FARP1: variants seen among roughly 807,000 people sequenced by gnomAD.
FARP1 encodes FERM, ARHGEF and pleckstrin domain-containing protein 1.
Under a neutral mutation model 128.8 loss-of-function variants are expected in FARP1, and 52 were observed. That is an observed-to-expected ratio of 0.40 (90% confidence interval 0.32 to 0.51). The LOEUF (loss-of-function observed/expected upper bound fraction) is 0.51. FARP1 is among the 20% of genes least tolerant of loss of function. The probability of loss-of-function intolerance (pLI) is 0.45; values close to 1 mark genes in which losing one functional copy is unlikely to be tolerated. For missense variants in FARP1, 1,333 were observed against 1,367.9 expected, an observed-to-expected ratio of 0.97 and a Z score of 0.40; for synonymous variants, 580 against 551.8, an observed-to-expected ratio of 1.05 and a Z score of -0.72.
chr13:98,441,995 G>A (rs145262065), intron 24 of FARP1, among the ~76,000 whole-genome samples: 289 of 152,290 alleles, frequency 1.9e-3, no homozygotes, highest in Admixed American at 3.5e-3. Flanking sequence ...CTTCAAGCCC[G>A]TGAAGGTGTG....
At chr13:98,193,243 A>T (rs1024841299) in intron 1 of FARP1, among the ~76,000 whole-genome samples, 1 of 152,126 alleles carries the variant, frequency 6.6e-6, no homozygotes, top group Non-Finnish European at 1.5e-5. Flanking sequence ...TTTTTAGTAG[A>T]GACAGGGTTT....
chr13:98,238,728 C>T (rs980255828), intron 2 of FARP1, among the ~76,000 whole-genome samples: 25 of 152,138 alleles, frequency 1.6e-4, no homozygotes, highest in African/African-American at 6.0e-4. Flanking sequence ...CTTCCCAGGA[C>T]ATGTGGGAAG....
At chr13:98,360,312 TCTCAAA>T (rs1888819445) in intron 3 of FARP1, among the ~76,000 whole-genome samples, 1 of 152,146 alleles carries the variant, frequency 6.6e-6, no homozygotes, top group African/African-American at 2.4e-5. Context: ...GCCAGGCTGG[TCTCAAA>T]CTCCTGACCT....
At chr13:98,147,439 AAAG>A (rs1479167009) in intron 1 of FARP1, among the ~76,000 whole-genome samples, 6 of 152,218 alleles carry the variant, frequency 3.9e-5, no homozygotes, top group Admixed American at 6.5e-5. Flanking sequence ...ACATTAAAAA[AAAG>A]AAGAGCCTCA....
intron 2 of FARP1, among the ~76,000 whole-genome samples, chr13:98,252,374 C>G (rs1399357440): frequency 3.3e-5 from 5 of 152,032 alleles, no homozygotes; most frequent in Admixed American, 1.3e-4. Context: ...TTGTCAGGTT[C>G]ACATTCATGT....
chr13:98,409,460 A>G lies in FARP1; in HGVS notation c.1537A>G (p.Ile513Val). ...CGACACCAAGCAGGCCTCTCCCTTG[A>G]TCAGCCCGCTGCTGAATGACCAGGC... ...SPDTKQASPL[I>V]SPLLNDQACP... The change falls in exon 14 of 27, where the codon ATC becomes GTC. Residue 513 changes from isoleucine (I) to valine (V), a missense_variant. This residue lies in a region of FARP1 where 1,009 missense variants were observed against 969.8 expected (regional missense o/e 1.04). Transcript: ENST00000319562. 1 of 1,614,042 alleles carries G rather than the reference A, an allele frequency of 6.2e-7. No individual in the cohort carries two copies. The highest frequency in any genetic ancestry group is 8.5e-7 in the Non-Finnish European group (1 of 1,180,000).
In FARP1 at chr13:98,309,152, CCTTT is replaced by C. The variant is rs1486779235; in HGVS notation, c.172-34609_172-34606del. ...ATATATTAATATTAATTTTAAGAGG[CCTTT>C]TTTTTTTTTTTTTTTTTTTTTTTTT... On this transcript the variant is annotated intron_variant, in intron 2 of 26. Transcript: ENST00000319562. Among the ~76,000 whole-genome samples the C allele has an allele frequency of 7.3e-3, 776 of 106,178 alleles. 62 individuals carry two copies. The highest frequency in any genetic ancestry group is 0.027 in the African/African-American group (735 of 26,838). 69.7% of individuals were successfully genotyped at this position (106,178 alleles called of 152,430 possible). A position where few individuals can be genotyped will look rare whatever the true frequency, so the allele number is the denominator to read the frequency against.
At chr13:98,170,099 C>T (rs193223821) in intron 1 of FARP1, among the ~76,000 whole-genome samples, 4 of 152,242 alleles carry the variant, frequency 2.6e-5, no homozygotes, top group Admixed American at 1.3e-4. Context: ...TCCATAGCAA[C>T]TCTTCTTGTA....
intron 1 of FARP1, among the ~76,000 whole-genome samples, chr13:98,151,787 A>G (rs1217634212): frequency 1.3e-5 from 2 of 148,420 alleles, no homozygotes; most frequent in African/African-American, 2.5e-5. Context: ...TCAGCATCCC[A>G]AGTAGCTGAG....
At chr13:98,235,801 A>C (rs191424951) in intron 2 of FARP1, among the ~76,000 whole-genome samples, 2 of 147,568 alleles carry the variant, frequency 1.4e-5, no homozygotes, top group South Asian at 4.2e-4. Context: ...TCATTCATAA[A>C]CCGTACAATT....
rs1379363989 is a variant in FARP1 at position 98,450,820 on chromosome 13, C to G, written c.*2503C>G. The G allele has an allele frequency of 6.6e-6, 1 of 152,240 alleles. No individual in the cohort carries two copies. Among genetic ancestry groups the G allele is most frequent in the African/African-American group, 2.4e-5 (1 of 41,456 alleles). The allele number at this position is 152,240 out of a possible 1,614,324, so 9.4% of individuals were successfully genotyped here. A position where few individuals can be genotyped will look rare whatever the true frequency, so the allele number is the denominator to read the frequency against. On this transcript the variant is annotated 3_prime_UTR_variant, in exon 27 of 27. Transcript: ENST00000319562. Reference sequence around the variant, plus strand: ...AGGCCTGGAAGTGGCGACACAAAAGCCAGCTTCCTTGGCTAAGATGCCCTT... The same window carrying G: ...AGGCCTGGAAGTGGCGACACAAAAGGCAGCTTCCTTGGCTAAGATGCCCTT...
At chr13:98,297,026 G>A (rs1445674491) in intron 2 of FARP1, among the ~76,000 whole-genome samples, 3 of 152,168 alleles carry the variant, frequency 2.0e-5, no homozygotes, top group Non-Finnish European at 4.4e-5. Flanking sequence ...TTTAATAACA[G>A]CAAATGAATA....
intron 2 of FARP1, among the ~76,000 whole-genome samples, chr13:98,259,057 A>T (rs9584782): frequency 6.6e-6 from 1 of 151,754 alleles, no homozygotes; most frequent in South Asian, 2.1e-4. Context: ...ACAAAAAATA[A>T]AAAAAAATCT....
chr13:98,435,656 G>A lies in FARP1; in HGVS notation c.2224G>A (p.Glu742Lys), dbSNP rs763611598. 41 of 1,614,130 alleles carry A rather than the reference G, an allele frequency of 2.5e-5. No homozygotes were observed. Among genetic ancestry groups the A allele is most frequent in the South Asian group, 1.6e-4 (15 of 91,080 alleles). The part of the protein sequence containing the change: ...IKMENFQKLH[E>K]LKKDLIGIDN... ...GATGGAGAATTTCCAGAAGCTGCAC[G>A]AACTCAAGAAAGATTTGATTGGCAT... The change falls in exon 19 of 27, where the codon GAA (glutamate) becomes AAA (lysine). Residue 742 changes from glutamate (E) to lysine (K), a missense_variant. By Grantham distance (56) the Glu-to-Lys change is moderately conservative. This residue lies in a region of FARP1 where 1,009 missense variants were observed against 969.8 expected (regional missense o/e 1.04). Coordinates refer to ENST00000319562, the MANE Select transcript of FARP1 (RefSeq NM_005766.4).
At chr13:98,208,606 A>G (rs959990735) in intron 1 of FARP1, 1 of 152,932 alleles carries the variant, frequency 6.5e-6, no homozygotes, top group Non-Finnish European at 1.5e-5. Context: ...ACCAGACGAC[A>G]TAAGGAGTGA....
rs761618285 is a variant in FARP1, at chr13:98,176,730, CGAG to C, written c.-24+33245_-24+33247del. On this transcript the variant is annotated intron_variant, in intron 1 of 26. Transcript: ENST00000319562. This position sits in a 1 kb window ranked among gnomAD's most constrained non-coding sequence, Gnocchi z 6.2. Reference sequence around the variant, plus strand: ...GTATGGGGCCCTTCCTCGCCATCCCCGAGGAGGAGTTGCCCATGGACGTGTCCT... The same window carrying C: ...GTATGGGGCCCTTCCTCGCCATCCCCGAGGAGTTGCCCATGGACGTGTCCT... 51 of 1,614,158 alleles carry C rather than the reference CGAG, an allele frequency of 3.2e-5. No individual in the cohort carries two copies. In the South Asian group the frequency reaches 4.1e-4, roughly 13 times the overall value.
At chr13:98,375,204 T>A (rs9556944) in intron 5 of FARP1, among the ~76,000 whole-genome samples, 1 of 152,246 alleles carries the variant, frequency 6.6e-6, no homozygotes, top group Non-Finnish European at 1.5e-5. Context: ...GGTGACATTC[T>A]GATTATTCTT....
At chr13:98,363,488 C>T (rs985763119) in intron 3 of FARP1, among the ~76,000 whole-genome samples, 3 of 152,154 alleles carry the variant, frequency 2.0e-5, no homozygotes, top group African/African-American at 4.8e-5. Flanking sequence ...GCTGGGGGTA[C>T]CCACCTTTGA....
intron 8 of FARP1, among the ~76,000 whole-genome samples, chr13:98,387,814 C>T (rs1890156388): frequency 6.6e-6 from 1 of 152,152 alleles, no homozygotes; most frequent in Admixed American, 6.5e-5. Context: ...GCCAGACCAG[C>T]GTGGATGAAG....
Sources: allele counts gnomAD v4.1 joint callset (sites outside exome capture counted in the v4.1 genomes callset), GRCh38; gene constraint gnomAD v4.1.1; regional missense constraint gnomAD v4.1.1; non-coding constraint Gnocchi (gnomAD v3.1); transcripts MANE v1.5; gene names NCBI Gene and HGNC (gene_info 2026-07-23, HGNC 2026-07-21).